Variants in PPP4R1 observed in about 807,000 individuals in gnomAD.
The protein encoded by PPP4R1 is protein phosphatase 4 regulatory subunit 1, also known as serine/threonine-protein phosphatase 4 regulatory subunit 1.
In PPP4R1, 42 loss-of-function variants were observed where a neutral mutation model predicts 111.2. That is an observed-to-expected ratio of 0.38 (90% CI 0.29 to 0.49). PPP4R1 has a LOEUF of 0.49. Ranked by LOEUF, PPP4R1 falls within the 20% of genes least tolerant of loss-of-function variation. The probability of loss-of-function intolerance (pLI) is 0.97; values close to 1 mark genes in which losing one functional copy is unlikely to be tolerated. For synonymous variants in PPP4R1, 409 were observed against 405.5 expected, an observed-to-expected ratio of 1.01 and a Z score of -0.10; for missense variants, 1,012 against 1,161.6, an observed-to-expected ratio of 0.87 and a Z score of 1.87.
In PPP4R1 at chr18:9,593,821, T is replaced by A; in HGVS notation, c.242A>T (p.Glu81Val). The change falls in exon 4 of 20, where the codon GAA (glutamate) becomes GTA (valine). Residue 81 changes from glutamate to valine, a missense_variant. Glu to Val is a moderately radical substitution (Grantham distance 121). Coordinates refer to ENST00000400556, the MANE Select transcript of PPP4R1 (RefSeq NM_001042388.3). ...TTCCAAAACAGCAATACAATCTCTT[T>A]CATCATCGCAGACTTCCCTCAAGGT... is the stretch of plus-strand genomic sequence containing the variant. ...LDTLREVCDD[E>V]RDCIAVLERI... 1.2e-6 allele frequency: 2 copies of A among 1,613,894 alleles called. No homozygotes were observed. The highest frequency in any genetic ancestry group is 1.7e-6 in the Non-Finnish European group (2 of 1,179,936).
At chr18:9,568,217 G>A (rs2066801606) in intron 11 of PPP4R1, among the ~76,000 whole-genome samples, 1 of 152,230 alleles carries the variant, frequency 6.6e-6, no homozygotes, top group Non-Finnish European at 1.5e-5. Flanking sequence ...AGAGATGGGG[G>A]TCTTGCTATG....
At chr18:9,582,058 T>C (rs1015602371) in intron 9 of PPP4R1, among the ~76,000 whole-genome samples, 1 of 152,008 alleles carries the variant, frequency 6.6e-6, no homozygotes, top group African/African-American at 2.4e-5. Context: ...GTTTTTCGGG[T>C]TGAAAGCCAT....
intron 17 of PPP4R1, 43 bp from the exon 18 acceptor site, chr18:9,550,229 T>C (rs763748784): frequency 1.9e-6 from 3 of 1,614,182 alleles, no homozygotes; most frequent in Non-Finnish European, 2.5e-6. Flanking sequence ...GCTTCCATTC[T>C]AGGATCTTAG....
At chr18:9,589,908 A>G (rs1480474559) in intron 4 of PPP4R1, 1 of 152,324 alleles carries the variant, frequency 6.6e-6, no homozygotes, top group African/African-American at 2.4e-5. Context: ...AAAAACAAAC[A>G]AACAAAAAAA....
chr18:9,574,440 A>C (rs1200096098), intron 10 of PPP4R1, among the ~76,000 whole-genome samples: 1 of 152,234 alleles, frequency 6.6e-6, no homozygotes, highest in Non-Finnish European at 1.5e-5. Context: ...GAATTAACTC[A>C]ATGAAGTTTT....
intron 9 of PPP4R1, among the ~76,000 whole-genome samples, chr18:9,580,602 G>A (rs2067012908): frequency 1.3e-5 from 2 of 152,072 alleles, no homozygotes; most frequent in Non-Finnish European, 2.9e-5. Flanking sequence ...CACCCGTCTC[G>A]GCCTCCCAAA....
intron 10 of PPP4R1, among the ~76,000 whole-genome samples, chr18:9,572,082 C>T (rs8093596): frequency 0.22 from 34,152 of 152,044 alleles, 4,171 homozygotes; most frequent in Non-Finnish European, 0.26. Context: ...TTATTGCATG[C>T]TGCAGGTAAC....
chr18:9,614,544 G>A lies in PPP4R1; in HGVS notation c.-60C>T. On this transcript the variant is annotated 5_prime_UTR_variant, in exon 1 of 20. Transcript: ENST00000400556. This position sits in a 1 kb window ranked among gnomAD's most constrained non-coding sequence, Gnocchi z 4.1. Reference sequence around the variant, plus strand: ...GAGCCGGGGCTACATGGAGCGGCGCGAGCCGGGGAGCCGGTGGACGCGCGC... The same window carrying A: ...GAGCCGGGGCTACATGGAGCGGCGCAAGCCGGGGAGCCGGTGGACGCGCGC... The A allele has an allele frequency of 2.0e-6, 2 of 992,102 alleles. No homozygotes were observed. The highest frequency in any genetic ancestry group is 2.4e-6 in the Non-Finnish European group (2 of 834,020). The allele number at this position is 992,102 out of a possible 1,614,324, so 61.5% of individuals were successfully genotyped here.
rs544135418 is a variant in PPP4R1 at position 9,580,381 on chromosome 18, G to A, written c.918+2736C>T. On this transcript the variant is annotated intron_variant, in intron 9 of 19. Transcript: ENST00000400556. ...TTTTTTTTTTTTGAGACAGAGTCTC[G>A]CTCTATTGCCCAGGCTGGAGTGCAA... is the stretch of plus-strand genomic sequence containing the variant. Among the ~76,000 whole-genome samples the A allele has an allele frequency of 3.5e-3, 514 of 147,488 alleles. 2 individuals carry two copies. The highest frequency in any genetic ancestry group is 4.8e-3 in the Non-Finnish European group (324 of 67,342).
At chr18:9,580,183 C>T (rs949480640) in intron 9 of PPP4R1, among the ~76,000 whole-genome samples, 4 of 152,050 alleles carry the variant, frequency 2.6e-5, no homozygotes, top group Admixed American at 6.5e-5. Context: ...TCTGCCATGA[C>T]GGTGTGAGGA....
intron 15 of PPP4R1, among the ~76,000 whole-genome samples, chr18:9,556,691 A>G (rs1402596889): frequency 6.6e-6 from 1 of 152,188 alleles, no homozygotes; most frequent in Admixed American, 6.5e-5. Context: ...AATTCTCAAG[A>G]CGCCTGAAAT....
In PPP4R1 at chr18:9,563,401, G is replaced by T. The variant is rs749530353; in HGVS notation, c.1723C>A (p.Pro575Thr). ...NCKINQEDSV[P>T]LISDAVENMD... ...ACCTCAACAGCATCGCTGATTAAAG[G>T]CACAGAATCTTCTTGATTTATTTTA... The change falls in exon 12 of 20, where the codon CCT becomes ACT. Residue 575 changes from proline to threonine, a missense_variant. By Grantham distance (38) the Pro-to-Thr change is conservative. Around this residue, in one of 2 missense-constraint regions of PPP4R1, gnomAD observed 707 missense variants for 742.1 expected, o/e 0.95. Coordinates refer to ENST00000400556, the MANE Select transcript of PPP4R1 (RefSeq NM_001042388.3). 2 of 1,612,264 alleles carry T rather than the reference G, an allele frequency of 1.2e-6. No individual in the cohort carries two copies. The highest frequency in any genetic ancestry group is 2.7e-5 in the African/African-American group (2 of 74,876).
At chr18:9,581,534 GA>G (rs1244856278) in intron 9 of PPP4R1, among the ~76,000 whole-genome samples, 1 of 143,924 alleles carries the variant, frequency 6.9e-6, no homozygotes, top group East Asian at 2.6e-4. Flanking sequence ...AAAGAATAGA[GA>G]GGGGGAAAAA....
At chr18:9,556,694 C>A (rs112298248) in intron 15 of PPP4R1, among the ~76,000 whole-genome samples, 5 of 152,176 alleles carry the variant, frequency 3.3e-5, no homozygotes, top group East Asian at 1.9e-4. Flanking sequence ...TCTCAAGACG[C>A]CTGAAATACC....
At chr18:9,561,820 G>A (rs1039347487) in intron 13 of PPP4R1, among the ~76,000 whole-genome samples, 160 bp downstream of exon 13, 1 of 152,164 alleles carries the variant, frequency 6.6e-6, no homozygotes, top group African/African-American at 2.4e-5. Flanking sequence ...GTGCTTCCAT[G>A]TTCCTCTCTC....
Position 9,561,962 on chromosome 18 carries a change from C to T in PPP4R1, c.1842+18G>A, listed in dbSNP as rs767489350. On this transcript the variant is annotated intron_variant, in intron 13 of 19. Coordinates refer to ENST00000400556, the MANE Select transcript of PPP4R1 (RefSeq NM_001042388.3). Reference sequence around the variant, plus strand: ...TTAGGAACACACCCACAAAAGAACACATTTTTTGGTCACTTACTTGTACTT... The same window carrying T: ...TTAGGAACACACCCACAAAAGAACATATTTTTTGGTCACTTACTTGTACTT... The T allele has an allele frequency of 4.6e-5, 73 of 1,575,830 alleles. 3 individuals carry two copies. In the South Asian group the frequency reaches 7.8e-4, roughly 17 times the overall value.
At chr18:9,564,162 T>C (rs1049680266) in intron 11 of PPP4R1, among the ~76,000 whole-genome samples, 13 of 152,224 alleles carry the variant, frequency 8.5e-5, no homozygotes, top group Admixed American at 6.5e-5. Flanking sequence ...ATCTGGCAAC[T>C]AGCATTGCCT....
At chr18:9,562,897 A>G (rs2066701576) in intron 12 of PPP4R1, 5 of 986,576 alleles carry the variant, frequency 5.1e-6, no homozygotes, top group Non-Finnish European at 6.0e-6. Flanking sequence ...TACACAGTGA[A>G]GATGATGCTA....
chr18:9,575,739 T>C (rs2066925803), intron 10 of PPP4R1, among the ~76,000 whole-genome samples: 1 of 152,218 alleles, frequency 6.6e-6, no homozygotes, highest in East Asian at 1.9e-4. Context: ...AGCTTGTCCA[T>C]TTATGTAATG....
Sources: gnomAD v4.1 joint callset for allele counts (sites outside exome capture counted in the v4.1 genomes callset) on GRCh38, gnomAD v4.1.1 for gene constraint, gnomAD v4.1.1 regional missense constraint, Gnocchi (gnomAD v3.1) non-coding constraint, MANE v1.5 for transcripts, NCBI Gene and HGNC (gene_info 2026-07-23, HGNC 2026-07-21) for gene names.